The following MAP4K4 variants were observed in gnomAD, a reference collection of about 807,000 sequenced individuals.
MAP4K4 encodes mitogen-activated protein kinase kinase kinase kinase 4, also known as HPK/GCK-like kinase HGK.
In MAP4K4, 38 loss-of-function variants were observed where a neutral mutation model predicts 189.6. The ratio of observed to expected loss-of-function variants is 0.20; its 90% CI spans 0.15 to 0.26. The LOEUF (loss-of-function observed/expected upper bound fraction) is 0.26, where lower values mean the gene tolerates loss of function less well. Among genes scored for constraint, MAP4K4 ranks in the 10% least tolerant of loss-of-function variants. The pLI is 1.00. For missense variants in MAP4K4, 1,054 were observed against 1,726.9 expected (o/e 0.61, Z 6.91); for synonymous variants, 610 against 624.3 (o/e 0.98, Z 0.34).
intron 9 of MAP4K4, 50 bp downstream of exon 9, chr2:101,836,028 C>A: frequency 7.2e-7 from 1 of 1,385,182 alleles, no homozygotes; most frequent in Non-Finnish European, 1.0e-6. Context: ...TTTTAAATTG[C>A]TTCTTTTTAG....
At chr2:101,763,713 T>C (rs915778047) in intron 2 of MAP4K4, among the ~76,000 whole-genome samples, 3 of 152,196 alleles carry the variant, frequency 2.0e-5, no homozygotes, top group Non-Finnish European at 4.4e-5. Context: ...GGAGATGAAC[T>C]AACTTGAAGA....
At chr2:101,757,310 A>C (rs2073380208) in intron 2 of MAP4K4, among the ~76,000 whole-genome samples, 1 of 152,354 alleles carries the variant, frequency 6.6e-6, no homozygotes, top group Non-Finnish European at 1.5e-5. Context: ...AGGTTTTAGA[A>C]ATAGCATATA....
intron 3 of MAP4K4, among the ~76,000 whole-genome samples, chr2:101,798,940 A>G (rs547201857): frequency 6.6e-6 from 1 of 152,194 alleles, no homozygotes; most frequent in Admixed American, 6.5e-5. Flanking sequence ...TTCACACTTA[A>G]ATTTCATCCC....
chr2:101,792,426 C>G (rs531310996), intron 3 of MAP4K4, among the ~76,000 whole-genome samples: 13 of 152,240 alleles, frequency 8.5e-5, no homozygotes, highest in Non-Finnish European at 1.6e-4. Flanking sequence ...TCTTTCACAT[C>G]TCTAATGGAA....
intron 27 of MAP4K4, among the ~76,000 whole-genome samples, chr2:101,878,044 C>T (rs1028189396): frequency 3.9e-5 from 6 of 152,102 alleles, no homozygotes; most frequent in South Asian, 2.1e-4. Flanking sequence ...CCACTGCGCC[C>T]GGCCAATTAT....
At chr2:101,866,303 A>G in intron 18 of MAP4K4, 125 bp from the exon 19 acceptor site, 2 of 766,254 alleles carry the variant, frequency 2.6e-6, no homozygotes, top group South Asian at 2.1e-5. Flanking sequence ...AGTGCTGTTT[A>G]TAGACTGTTT....
chr2:101,741,159 T>C (rs2062588354), intron 2 of MAP4K4, among the ~76,000 whole-genome samples: 1 of 146,110 alleles, frequency 6.8e-6, no homozygotes. Context: ...TGGAGGGTAG[T>C]AGGTATTTTT....
chr2:101,873,486 C>T (rs1054246046), intron 24 of MAP4K4, among the ~76,000 whole-genome samples, 161 bp from the exon 25 acceptor site: 1 of 152,068 alleles, frequency 6.6e-6, no homozygotes, highest in Non-Finnish European at 1.5e-5. Flanking sequence ...TGCTATGCCA[C>T]GTGGAAGCTC....
At chr2:101,874,908 C>T (rs2098156687) in intron 26 of MAP4K4, among the ~76,000 whole-genome samples, 1 of 152,168 alleles carries the variant, frequency 6.6e-6, no homozygotes, top group Non-Finnish European at 1.5e-5. Context: ...TATCTTGTTA[C>T]TCCCTCATTC....
chr2:101,745,339 C>CG (rs2064840355), intron 2 of MAP4K4, among the ~76,000 whole-genome samples: 3 of 135,746 alleles, frequency 2.2e-5, no homozygotes, highest in Non-Finnish European at 4.7e-5. Context: ...CCCCCCCCCC[C>CG]CCAATACTGC....
chr2:101,892,984 T>C (rs1245482927), exon 33 of MAP4K4: 1 of 456,444 alleles, frequency 2.2e-6, no homozygotes, highest in Admixed American at 2.3e-5. Flanking sequence ...TTGCTGTTTT[T>C]TAGGCTTGAT....
rs182716789 is a variant in MAP4K4 at position 101,855,871 on chromosome 2, C to G, written c.1234-106C>G. The G allele has an allele frequency of 2.7e-6, 3 of 1,115,042 alleles. No individual in the cohort carries two copies. The East Asian group carries it at 7.8e-5, about 29-fold the overall frequency. The allele number at this position is 1,115,042 out of a possible 1,614,324, so 69.1% of individuals were successfully genotyped here. A position where few individuals can be genotyped will look rare whatever the true frequency, so the allele number is the denominator to read the frequency against. On this transcript the variant is annotated intron_variant, in intron 12 of 32. Transcript: ENST00000324219. ...GGCCAGTAGATATGGGGCCCATGAA[C>G]CTCACCTCATTAGTGTCCACCTGGC...
At chr2:101,831,234 T>G (rs778534398) in intron 6 of MAP4K4, among the ~76,000 whole-genome samples, 2 of 151,386 alleles carry the variant, frequency 1.3e-5, no homozygotes, top group Non-Finnish European at 2.9e-5. Flanking sequence ...TGTGAATATG[T>G]GATTTAGCTT....
At chr2:101,866,471 G>A in exon 19 of MAP4K4, 1 of 1,613,624 alleles carries the variant, frequency 6.2e-7, no homozygotes. Context: ...GGAGAAGCTG[G>A]TGCCCAGACC....
At chr2:101,748,186 T>G (rs1209164010) in intron 2 of MAP4K4, among the ~76,000 whole-genome samples, 1 of 152,218 alleles carries the variant, frequency 6.6e-6, no homozygotes, top group Non-Finnish European at 1.5e-5. Context: ...ATACTGTACC[T>G]TGCTTTTTGG....
intron 3 of MAP4K4, among the ~76,000 whole-genome samples, chr2:101,813,119 AAAAT>A (rs1013466002): frequency 6.6e-6 from 1 of 152,164 alleles, no homozygotes; most frequent in African/African-American, 2.4e-5. Context: ...ATTTCGTCTC[AAAAT>A]AAATAAATAA....
chr2:101,798,306 C>CA (rs2094013410), intron 3 of MAP4K4, among the ~76,000 whole-genome samples: 1 of 152,088 alleles, frequency 6.6e-6, no homozygotes, highest in African/African-American at 2.4e-5. Flanking sequence ...TATGTCTTTA[C>CA]ACTTAAAAGT....
At chr2:101,748,549 C>T (rs1241117174) in intron 2 of MAP4K4, among the ~76,000 whole-genome samples, 2 of 152,200 alleles carry the variant, frequency 1.3e-5, no homozygotes, top group African/African-American at 4.8e-5. Context: ...TGTCTGTCAT[C>T]TGTAATCCCA....
intron 2 of MAP4K4, among the ~76,000 whole-genome samples, chr2:101,764,410 T>C (rs1285122890): frequency 2.0e-5 from 3 of 152,238 alleles, no homozygotes; most frequent in African/African-American, 2.4e-5. Flanking sequence ...TGCCTTGAGC[T>C]CAAATTCCCA....
Sources: allele counts gnomAD v4.1 joint callset (sites outside exome capture counted in the v4.1 genomes callset), GRCh38; gene constraint gnomAD v4.1.1; transcripts MANE v1.5; gene names NCBI Gene and HGNC (gene_info 2026-07-23, HGNC 2026-07-21).